The following MARCHF10 variants were observed in gnomAD, a reference collection of about 807,000 sequenced individuals.
MARCHF10 encodes membrane associated ring-CH-type finger 10, also known as probable E3 ubiquitin-protein ligase MARCHF10.
In MARCHF10, 64 loss-of-function variants were observed where a neutral mutation model predicts 76.2. The ratio of observed to expected loss-of-function variants is 0.84; its 90% CI spans 0.69 to 1.03. The LOEUF (loss-of-function observed/expected upper bound fraction) is 1.03, where lower values mean the gene tolerates loss of function less well. Among genes scored for constraint, MARCHF10 ranks in the 50% least tolerant of loss-of-function variants. MARCHF10 has a pLI of 0.00. For missense variants in MARCHF10, 875 were observed against 958.0 expected (o/e 0.91, Z 1.14); for synonymous variants, 340 against 357.5 (o/e 0.95, Z 0.55).
Position 62,748,728 on chromosome 17 carries a change from G to A in MARCHF10, c.383-4200C>T, listed in dbSNP as rs1413244953. On this transcript the variant is annotated intron_variant, in intron 4 of 10. Coordinates refer to ENST00000311269, the MANE Select transcript of MARCHF10 (RefSeq NM_152598.4). ...CCACTGCACTCCAGCCTGGGCAAGA[G>A]CACGACATTGTCTAGAAAAAGAGTT... is the stretch of plus-strand genomic sequence containing the variant. Among the ~76,000 whole-genome samples, 4 of 152,198 alleles carry A rather than the reference G, an allele frequency of 2.6e-5. No individual in the cohort carries two copies. In the East Asian group the frequency reaches 7.7e-4, roughly 29 times the overall value.
intron 1 of MARCHF10, among the ~76,000 whole-genome samples, chr17:62,802,993 G>A (rs1016726491): frequency 2.0e-5 from 3 of 152,162 alleles, no homozygotes; most frequent in African/African-American, 7.2e-5. Context: ...ATCTTGCTCC[G>A]CCATCCAGGC....
intron 9 of MARCHF10, chr17:62,707,572 A>T (rs1273385501): frequency 6.6e-6 from 1 of 152,260 alleles, no homozygotes; most frequent in Non-Finnish European, 1.5e-5. Context: ...AGGCCTCAGA[A>T]GCATTGGCAC....
chr17:62,726,254 A>G (rs1441701051), intron 6 of MARCHF10: 1 of 152,226 alleles, frequency 6.6e-6, no homozygotes, highest in East Asian at 1.9e-4. Flanking sequence ...TCTTTTCTTT[A>G]GAGTCCTCAC....
intron 2 of MARCHF10, among the ~76,000 whole-genome samples, chr17:62,789,245 C>A (rs1279005553): frequency 1.3e-5 from 2 of 152,190 alleles, no homozygotes; most frequent in Non-Finnish European, 2.9e-5. Flanking sequence ...TCATTCTCTT[C>A]ATGGCCCCTC....
intron 2 of MARCHF10, among the ~76,000 whole-genome samples, chr17:62,795,435 T>C (rs2092969792): frequency 6.7e-6 from 1 of 149,934 alleles, no homozygotes; most frequent in South Asian, 2.1e-4. Flanking sequence ...AATTCTGAGA[T>C]GGCATATAAT....
intron 5 of MARCHF10, among the ~76,000 whole-genome samples, chr17:62,740,645 T>G (rs890046951): frequency 5.9e-5 from 9 of 152,022 alleles, no homozygotes; most frequent in African/African-American, 2.2e-4. Context: ...TGGCTCAGCT[T>G]CTTTTTTTCT....
At chr17:62,730,460 G>C (rs2147766875) in intron 6 of MARCHF10, among the ~76,000 whole-genome samples, 1 of 152,308 alleles carries the variant, frequency 6.6e-6, no homozygotes, top group South Asian at 2.1e-4. Context: ...TTTAAGTATA[G>C]CTACCATGTA....
At chr17:62,803,302 A>C (rs1025824971) in intron 1 of MARCHF10, among the ~76,000 whole-genome samples, 2 of 152,168 alleles carry the variant, frequency 1.3e-5, no homozygotes, top group African/African-American at 4.8e-5. Flanking sequence ...TAAAAAAAAA[A>C]AAATTGTATT....
chr17:62,710,551 T>A (rs1393301397), intron 9 of MARCHF10, among the ~76,000 whole-genome samples: 1 of 49,146 alleles, frequency 2.0e-5, no homozygotes, highest in Non-Finnish European at 4.3e-5. Context: ...TGAACCCAGC[T>A]TTTTTTTTTT....
At chr17:62,761,608 G>A (rs192851374) in intron 3 of MARCHF10, among the ~76,000 whole-genome samples, 1 of 152,170 alleles carries the variant, frequency 6.6e-6, no homozygotes, top group East Asian at 1.9e-4. Context: ...TTTTAGTAGA[G>A]ACGGGGTTTC....
intron 4 of MARCHF10, among the ~76,000 whole-genome samples, chr17:62,748,413 C>CAAACAAACAAA (rs72396985): frequency 1.3e-5 from 2 of 151,232 alleles, no homozygotes; most frequent in Non-Finnish European, 2.9e-5. Context: ...CAAAAACAAA[C>CAAACAAACAAA]AAACAAACAA....
At chr17:62,804,328 C>A (rs1440875235) in intron 1 of MARCHF10, among the ~76,000 whole-genome samples, 2 of 152,042 alleles carry the variant, frequency 1.3e-5, no homozygotes, top group Non-Finnish European at 2.9e-5. Flanking sequence ...GCACTGCTGG[C>A]ATTCTGTGAT....
intron 8 of MARCHF10, among the ~76,000 whole-genome samples, chr17:62,713,591 G>T (rs762633462): frequency 1.3e-5 from 2 of 152,202 alleles, no homozygotes; most frequent in East Asian, 3.9e-4. Context: ...CAGAGCAGGC[G>T]TGTGATAGTC....
intron 1 of MARCHF10, among the ~76,000 whole-genome samples, chr17:62,803,864 G>A (rs1022224528): frequency 6.6e-6 from 1 of 152,126 alleles, no homozygotes; most frequent in Non-Finnish European, 1.5e-5. Flanking sequence ...CTTGTTCTAA[G>A]CAGTTACATC....
At chr17:62,801,957 T>C (rs1450909673) in intron 1 of MARCHF10, among the ~76,000 whole-genome samples, 1 of 152,224 alleles carries the variant, frequency 6.6e-6, no homozygotes, top group Non-Finnish European at 1.5e-5. Context: ...GCATAAATAA[T>C]GCAGCCACCT....
chr17:62,756,401 G>T (rs2092044566), intron 4 of MARCHF10, among the ~76,000 whole-genome samples: 1 of 152,198 alleles, frequency 6.6e-6, no homozygotes, highest in African/African-American at 2.4e-5. Flanking sequence ...ACCTATGATT[G>T]CACCAGTACA....
chr17:62,713,853 A>T (rs539068355), intron 8 of MARCHF10, among the ~76,000 whole-genome samples: 1 of 152,350 alleles, frequency 6.6e-6, no homozygotes, highest in African/African-American at 2.4e-5. Context: ...GACATTAAAA[A>T]GGAGAAGGCA....
At chr17:62,716,517 C>T (rs187798054) in intron 8 of MARCHF10, among the ~76,000 whole-genome samples, 1 of 152,082 alleles carries the variant, frequency 6.6e-6, no homozygotes, top group African/African-American at 2.4e-5. Flanking sequence ...AGGAGGATCC[C>T]TTGAACCCAG....
chr17:62,776,681 G>A (rs1466559304), intron 3 of MARCHF10, among the ~76,000 whole-genome samples: 2 of 152,130 alleles, frequency 1.3e-5, no homozygotes, highest in African/African-American at 4.8e-5. Context: ...AAAAGAAATA[G>A]CCAGTTCAGT....
Sources: allele counts gnomAD v4.1 joint callset (sites outside exome capture counted in the v4.1 genomes callset), GRCh38; gene constraint gnomAD v4.1.1; transcripts MANE v1.5; gene names NCBI Gene and HGNC (gene_info 2026-07-23, HGNC 2026-07-21).